The following KCNQ1 variants were observed in gnomAD, a reference collection of about 807,000 sequenced individuals.
KCNQ1 encodes potassium voltage-gated channel subfamily Q member 1.
In KCNQ1, 49 loss-of-function variants were observed where a neutral mutation model predicts 72.4. The ratio of observed to expected loss-of-function variants is 0.68; its 90% CI spans 0.54 to 0.86. The LOEUF is 0.86. Ranked by LOEUF, KCNQ1 falls within the 40% of genes least tolerant of loss-of-function variation. The probability of loss-of-function intolerance (pLI) is 0.00; values close to 1 mark genes in which losing one functional copy is unlikely to be tolerated. For missense variants in KCNQ1, 790 were observed against 945.1 expected, an observed-to-expected ratio of 0.84 and a Z score of 2.15; for synonymous variants, 450 against 412.6, an observed-to-expected ratio of 1.09 and a Z score of -1.10.
rs1372830737 is a variant in KCNQ1 at position 2,659,075 on chromosome 11, G to C, written c.1394-2886G>C. The stretch of plus-strand genomic sequence containing the variant: ...GTTTGTAACACGCTCATCATAGTCT[G>C]CTTTTCATCGTAGGGTCCTCCAACA... On this transcript the variant is annotated intron_variant, in intron 10 of 15. Coordinates refer to ENST00000155840, the MANE Select transcript of KCNQ1 (RefSeq NM_000218.3). This position sits in a 1 kb window ranked among gnomAD's most constrained non-coding sequence, Gnocchi z 4.3. The C allele has an allele frequency of 2.5e-6, 1 of 398,552 alleles. No individual in the cohort carries two copies. Among genetic ancestry groups the C allele is most frequent in the African/African-American group, 2.1e-5 (1 of 48,744 alleles). 24.7% of individuals were successfully genotyped at this position (398,552 alleles called of 1,614,324 possible).
chr11:2,585,114 TG>T, intron 7 of KCNQ1, 97 bp from the exon 8 acceptor site: 1 of 1,079,450 alleles, frequency 9.3e-7, no homozygotes, highest in Non-Finnish European at 1.4e-6. Flanking sequence ...TGACCATACC[TG>T]GCCTTCCCAC....
At chr11:2,607,173 G>A (rs1194809956) in intron 10 of KCNQ1, among the ~76,000 whole-genome samples, 1 of 152,064 alleles carries the variant, frequency 6.6e-6, no homozygotes, top group Non-Finnish European at 1.5e-5. Flanking sequence ...AAAGTGCTGG[G>A]ATTACAGGTG....
At chr11:2,775,091 G>A (rs892736692) in intron 12 of KCNQ1, among the ~76,000 whole-genome samples, 1 of 152,244 alleles carries the variant, frequency 6.6e-6, no homozygotes, top group Admixed American at 6.5e-5. Flanking sequence ...TCGGGATAGA[G>A]GCAGTCTGTT....
rs1850303275 is a variant in KCNQ1 at position 2,676,831 on chromosome 11, TGTTG to T, written c.1514+14751_1514+14754del. On this transcript the variant is annotated intron_variant, in intron 11 of 15. Coordinates refer to ENST00000155840, the MANE Select transcript of KCNQ1 (RefSeq NM_000218.3). The surrounding 1 kb of genome is among the most constrained non-coding windows in gnomAD (Gnocchi z 4.2). The stretch of plus-strand genomic sequence containing the variant: ...GTGCTGGGATCTACCACAGGGGTCA[TGTTG>T]TAATGACACCTGTCAGCTTTGACTG... 1 of 398,502 alleles carries T rather than the reference TGTTG, an allele frequency of 2.5e-6. No individual in the cohort carries two copies. The highest frequency in any genetic ancestry group is 1.3e-4 in the South Asian group (1 of 7,864). 24.7% of individuals were successfully genotyped at this position (398,502 alleles called of 1,614,324 possible). A position where few individuals can be genotyped will look rare whatever the true frequency, so the allele number is the denominator to read the frequency against.
At chr11:2,756,753 T>C (rs899757741) in intron 11 of KCNQ1, among the ~76,000 whole-genome samples, 2 of 151,920 alleles carry the variant, frequency 1.3e-5, no homozygotes, top group African/African-American at 4.8e-5. Flanking sequence ...CACCTGGCCG[T>C]CTAGCGTTTA....
In KCNQ1 at chr11:2,451,718, C is replaced by A. The variant is rs1029887368; in HGVS notation, c.386+6234C>A. Among the ~76,000 whole-genome samples the A allele has an allele frequency of 6.6e-6, 1 of 152,188 alleles. No homozygotes were observed. The highest frequency in any genetic ancestry group is 1.5e-5 in the Non-Finnish European group (1 of 68,018). On this transcript the variant is annotated intron_variant, in intron 1 of 15. Coordinates refer to ENST00000155840, the MANE Select transcript of KCNQ1 (RefSeq NM_000218.3). The surrounding 1 kb of genome is among the most constrained non-coding windows in gnomAD (Gnocchi z 6.4). ...CTGGGGAGCTGACTCCAGGACAGGC[C>A]CCTGCCCGCTCTGGGACCTGGGGCC...
chr11:2,571,093 A>AGC (rs960619269), intron 3 of KCNQ1, among the ~76,000 whole-genome samples: 1 of 152,198 alleles, frequency 6.6e-6, no homozygotes, highest in Non-Finnish European at 1.5e-5. Flanking sequence ...TGCAGGGCTC[A>AGC]GCACAGGGCC....
chr11:2,800,280 G>T (rs1307601211), intron 15 of KCNQ1, among the ~76,000 whole-genome samples: 1 of 152,220 alleles, frequency 6.6e-6, no homozygotes, highest in Non-Finnish European at 1.5e-5. Context: ...GCCTCCCCCA[G>T]CAGGGTAACC....
chr11:2,524,678 G>T lies in KCNQ1; in HGVS notation c.387-3250G>T, dbSNP rs114665560. Among the ~76,000 whole-genome samples the T allele has an allele frequency of 2.0e-3, 311 of 152,296 alleles. 1 individual carries two copies. Among genetic ancestry groups the T allele is most frequent in the African/African-American group, 7.2e-3 (298 of 41,570 alleles). On this transcript the variant is annotated intron_variant, in intron 1 of 15. Transcript: ENST00000155840. ...GCAGTAGACAGCACTGGCAGCTTCC[G>T]GCTTATCCAAGGCCTCAGGGTGAAG...
In KCNQ1 at chr11:2,725,055, C is replaced by T. The variant is rs1003270640; in HGVS notation, c.1515-43789C>T. On this transcript the variant is annotated intron_variant, in intron 11 of 15. Transcript: ENST00000155840. This position sits in a 1 kb window ranked among gnomAD's most constrained non-coding sequence, Gnocchi z 7.2. ...TGGGCCCAATAGAGAAGCACAGGGT[C>T]TGAGAAGCATCAGACAATGACTCCT... Among the ~76,000 whole-genome samples, 21 of 152,198 alleles carry T rather than the reference C, an allele frequency of 1.4e-4. No homozygotes were observed. Among genetic ancestry groups the T allele is most frequent in the Non-Finnish European group, 2.6e-4 (18 of 68,038 alleles).
Position 2,769,445 on chromosome 11 carries a change from G to T in KCNQ1, c.1590+526G>T, listed in dbSNP as rs1488523791. Among the ~76,000 whole-genome samples, 2 of 152,274 alleles carry T rather than the reference G, an allele frequency of 1.3e-5. No individual in the cohort carries two copies. Among genetic ancestry groups the T allele is most frequent in the Non-Finnish European group, 2.9e-5 (2 of 68,022 alleles). On this transcript the variant is annotated intron_variant, in intron 12 of 15. Coordinates refer to ENST00000155840, the MANE Select transcript of KCNQ1 (RefSeq NM_000218.3). This position sits in a 1 kb window ranked among gnomAD's most constrained non-coding sequence, Gnocchi z 4.6. ...CTCTGTAAGAGGTGGGGTCCCCTTG[G>T]CCAGGTGAGGCTGGAGCTCCAGGGC...
chr11:2,622,364 C>A, intron 10 of KCNQ1: 1 of 398,132 alleles, frequency 2.5e-6, no homozygotes, highest in Non-Finnish European at 4.4e-6. Context: ...GTATAATTAC[C>A]TCCAGCTTTC....
chr11:2,673,197 C>A lies in KCNQ1; in HGVS notation c.1514+11116C>A. The stretch of plus-strand genomic sequence containing the variant: ...GGGCCCTGGAGCCAAGGCCAAAAGC[C>A]GAACTGTGACTAGGCAAGCTGAGTC... On this transcript the variant is annotated intron_variant, in intron 11 of 15. Coordinates refer to ENST00000155840, the MANE Select transcript of KCNQ1 (RefSeq NM_000218.3). The surrounding 1 kb of genome is among the most constrained non-coding windows in gnomAD (Gnocchi z 4.5). 2.5e-6 allele frequency: 1 copy of A among 398,658 alleles called. No homozygotes were observed. The allele number at this position is 398,658 out of a possible 1,614,324, so 24.7% of individuals were successfully genotyped here.
chr11:2,448,395 T>C (rs944000795), intron 1 of KCNQ1, among the ~76,000 whole-genome samples: 5 of 152,204 alleles, frequency 3.3e-5, no homozygotes, highest in Admixed American at 3.3e-4. Flanking sequence ...TGCGTGTTAA[T>C]CAACAATGGA....
intron 10 of KCNQ1, among the ~76,000 whole-genome samples, chr11:2,606,891 GATT>G (rs1848888910): frequency 1.7e-5 from 2 of 120,552 alleles, no homozygotes; most frequent in African/African-American, 6.9e-5. Flanking sequence ...TATTATCTGT[GATT>G]TTTTTTTTTT....
chr11:2,582,259 G>A (rs774753125), intron 6 of KCNQ1, among the ~76,000 whole-genome samples: 126 of 152,322 alleles, frequency 8.3e-4, no homozygotes, highest in Non-Finnish European at 1.4e-3. Flanking sequence ...CCCTGCCCGG[G>A]GGTGGCCATG....
intron 10 of KCNQ1, among the ~76,000 whole-genome samples, chr11:2,594,669 T>C (rs1041192102): frequency 2.0e-5 from 3 of 152,242 alleles, no homozygotes; most frequent in Non-Finnish European, 4.4e-5. Flanking sequence ...CTGCTTTATC[T>C]ACCCACTGAG....
chr11:2,550,461 C>A lies in KCNQ1; in HGVS notation c.478-20167C>A, dbSNP rs1847967004. ...CCAGACACCCATGTTCCTCCCTAGG[C>A]AGCTCCATGCGCGGGCCCCGGAGCT... On this transcript the variant is annotated intron_variant, in intron 2 of 15. Coordinates refer to ENST00000155840, the MANE Select transcript of KCNQ1 (RefSeq NM_000218.3). This position sits in a 1 kb window ranked among gnomAD's most constrained non-coding sequence, Gnocchi z 6.0. Among the ~76,000 whole-genome samples the A allele has an allele frequency of 6.6e-6, 1 of 152,184 alleles. No homozygotes were observed. The highest frequency in any genetic ancestry group is 1.5e-5 in the Non-Finnish European group (1 of 68,016).
rs562475545 is a variant in KCNQ1, at chr11:2,810,859, G to GCCT, written c.1794+32822_1794+32823insCCT. Among the ~76,000 whole-genome samples the GCCT allele has an allele frequency of 1.7e-3, 264 of 152,336 alleles. 1 individual carries two copies. Among genetic ancestry groups the GCCT allele is most frequent in the African/African-American group, 6.1e-3 (252 of 41,586 alleles). On this transcript the variant is annotated intron_variant, in intron 15 of 15. Coordinates refer to ENST00000155840, the MANE Select transcript of KCNQ1 (RefSeq NM_000218.3). ...GCTGCATCTGAGAGCTTGGGCTCGA[G>GCCT]GTACAGGGCTGGCAGCCGGGAGTCC... is the stretch of plus-strand genomic sequence containing the variant.
Sources: allele counts gnomAD v4.1 joint callset (sites outside exome capture counted in the v4.1 genomes callset), GRCh38; gene constraint gnomAD v4.1.1; non-coding constraint Gnocchi (gnomAD v3.1); transcripts MANE v1.5; gene names NCBI Gene and HGNC (gene_info 2026-07-23, HGNC 2026-07-21).